The following CDK13 variants were observed in gnomAD, a reference collection of about 807,000 sequenced individuals.
CDK13 encodes the protein cyclin-dependent kinase 13.
CDK13 carries 40 observed loss-of-function variants against 137.6 expected under a neutral mutation model. The observed-to-expected ratio is 0.29, with a 90% CI of 0.23 to 0.38. The LOEUF (loss-of-function observed/expected upper bound fraction) is 0.38. Ranked by LOEUF, CDK13 falls within the 10% of genes least tolerant of loss-of-function variation. CDK13 has a pLI of 1.00. For synonymous variants in CDK13, 869 were observed against 760.1 expected, an observed-to-expected ratio of 1.14 and a Z score of -2.36; for missense variants, 1,704 against 1,951.8, an observed-to-expected ratio of 0.87 and a Z score of 2.39.
Position 40,048,617 on chromosome 7 carries a change from T to C in CDK13, c.2600+740T>C, listed in dbSNP as rs1256898337. On this transcript the variant is annotated intron_variant, in intron 7 of 13. Transcript: ENST00000181839. Reference sequence around the variant, plus strand: ...GTTAAAGAATTTTAAAATTATTTTATGACAATTTTGTCATTTCTTTAATAT... The same window carrying C: ...GTTAAAGAATTTTAAAATTATTTTACGACAATTTTGTCATTTCTTTAATAT... The C allele has an allele frequency of 4.1e-5, 6 of 147,170 alleles. 1 individual carries two copies. Among genetic ancestry groups the C allele is most frequent in the African/African-American group, 8.2e-5 (3 of 36,680 alleles). The allele number at this position is 147,170 out of a possible 1,614,324, so 9.1% of individuals were successfully genotyped here. A position where few individuals can be genotyped will look rare whatever the true frequency, so the allele number is the denominator to read the frequency against.
intron 1 of CDK13, among the ~76,000 whole-genome samples, chr7:39,983,615 T>C (rs779185502): frequency 7.2e-5 from 11 of 152,172 alleles, no homozygotes; most frequent in Non-Finnish European, 1.3e-4. Flanking sequence ...CTGAATGAAA[T>C]TGATGACCAG....
At chr7:39,988,947 A>G (rs1463089462) in intron 2 of CDK13, among the ~76,000 whole-genome samples, 3 of 151,744 alleles carry the variant, frequency 2.0e-5, no homozygotes, top group African/African-American at 7.3e-5. Context: ...AGCTGGGCGC[A>G]GTGGCAGGTG....
In CDK13 at chr7:40,095,281, T is replaced by C. The variant is rs1216873463; in HGVS notation, c.*301T>C. ...GGGGCATAAGCCTTTTATGGCCCTC[T>C]TGCAGATCTTCTGAACTATGCACAT... On this transcript the variant is annotated 3_prime_UTR_variant, in exon 14 of 14. Coordinates refer to ENST00000181839, the MANE Select transcript of CDK13 (RefSeq NM_003718.5). 1 of 193,444 alleles carries C rather than the reference T, an allele frequency of 5.2e-6. No homozygotes were observed. The highest frequency in any genetic ancestry group is 2.3e-5 in the African/African-American group (1 of 43,140). 12.0% of individuals were successfully genotyped at this position (193,444 alleles called of 1,614,324 possible).
chr7:40,050,148 C>T (rs1394062496), intron 7 of CDK13, among the ~76,000 whole-genome samples: 1 of 151,946 alleles, frequency 6.6e-6, no homozygotes, highest in African/African-American at 2.4e-5. Context: ...CCGTCCATCT[C>T]TTAGTGGACG....
At chr7:40,064,941 A>G (rs1316269493) in intron 9 of CDK13, among the ~76,000 whole-genome samples, 1 of 136,100 alleles carries the variant, frequency 7.3e-6, no homozygotes, top group Non-Finnish European at 1.6e-5. Context: ...ACAGGCATGC[A>G]CCACCATGCT....
chr7:40,047,162 T>A (rs2150516512), intron 6 of CDK13, among the ~76,000 whole-genome samples: 1 of 152,292 alleles, frequency 6.6e-6, no homozygotes, highest in African/African-American at 2.4e-5. Context: ...AAGAATAGAT[T>A]TTAGAAAATT....
chr7:39,976,072 C>T (rs1193271644), intron 1 of CDK13, among the ~76,000 whole-genome samples: 2 of 151,894 alleles, frequency 1.3e-5, no homozygotes. Context: ...CCGAGATGGG[C>T]GGATCACCTG....
chr7:39,958,368 C>T (rs1359304701), intron 1 of CDK13, among the ~76,000 whole-genome samples: 5 of 151,854 alleles, frequency 3.3e-5, no homozygotes, highest in African/African-American at 1.2e-4. Flanking sequence ...TATTATTTTT[C>T]ACCTGTTTGC....
chr7:40,038,099 C>G (rs1014459006), intron 5 of CDK13, among the ~76,000 whole-genome samples: 1 of 152,098 alleles, frequency 6.6e-6, no homozygotes, highest in Non-Finnish European at 1.5e-5. Context: ...AGTGTCACTT[C>G]CATTCTTCTT....
intron 5 of CDK13, among the ~76,000 whole-genome samples, chr7:40,027,739 G>A (rs1395515422): frequency 7.0e-6 from 1 of 143,138 alleles, no homozygotes; most frequent in Non-Finnish European, 1.5e-5. Context: ...CTGTTTCTAC[G>A]GGTACATGAC....
intron 5 of CDK13, among the ~76,000 whole-genome samples, chr7:40,045,206 ATC>A (rs1480875041): frequency 6.6e-6 from 1 of 152,092 alleles, no homozygotes; most frequent in Non-Finnish European, 1.5e-5. Context: ...GGATTTCTAA[ATC>A]TCTCGTAAGT....
intron 1 of CDK13, among the ~76,000 whole-genome samples, chr7:39,965,436 C>T (rs182302194): frequency 1.5e-4 from 23 of 152,210 alleles, no homozygotes; most frequent in African/African-American, 3.1e-4. Flanking sequence ...ACTAGGATTG[C>T]GACCACTGCC....
chr7:40,083,312 A>G (rs1451382579), intron 11 of CDK13, among the ~76,000 whole-genome samples: 1 of 151,844 alleles, frequency 6.6e-6, no homozygotes, highest in Non-Finnish European at 1.5e-5. Context: ...CTTTACAAAA[A>G]AAAAAAAAAA....
chr7:40,079,487 C>T (rs952068242), intron 11 of CDK13, among the ~76,000 whole-genome samples: 1 of 152,094 alleles, frequency 6.6e-6, no homozygotes, highest in Non-Finnish European at 1.5e-5. Flanking sequence ...AACACTACTA[C>T]TGGTACAGCT....
At chr7:40,010,408 G>A (rs1047783191) in intron 5 of CDK13, among the ~76,000 whole-genome samples, 5 of 152,222 alleles carry the variant, frequency 3.3e-5, no homozygotes, top group African/African-American at 1.2e-4. Flanking sequence ...GGAGGACCAG[G>A]CGTGGTGGCT....
At chr7:39,995,860 A>G (rs983348667) in intron 2 of CDK13, among the ~76,000 whole-genome samples, 1 of 152,076 alleles carries the variant, frequency 6.6e-6, no homozygotes, top group African/African-American at 2.4e-5. Context: ...ATACAAAAAA[A>G]TTAGCCGGGC....
rs374601154 is a variant in CDK13 at position 39,969,343 on chromosome 7, T to C, written c.1211+17491T>C. On this transcript the variant is annotated intron_variant, in intron 1 of 13. Transcript: ENST00000181839. The stretch of plus-strand genomic sequence containing the variant: ...GTTATTTTTATCTATGAAGTCTTCA[T>C]TAATCTCGTTCAGAAGTGATTTTTA... 3.9e-4 allele frequency among the ~76,000 whole-genome samples: 60 copies of C among 152,322 alleles called. 1 individual carries two copies. In the South Asian group the frequency reaches 0.012, roughly 31 times the overall value.
intron 9 of CDK13, chr7:40,069,676 A>G (rs1387416861): frequency 6.4e-6 from 1 of 155,848 alleles, no homozygotes; most frequent in Non-Finnish European, 1.4e-5. Flanking sequence ...ATTTGCTTTA[A>G]ATGGCTTTAC....
chr7:40,048,239 A>G (rs894239295), intron 7 of CDK13: 3 of 177,250 alleles, frequency 1.7e-5, no homozygotes, highest in Admixed American at 1.1e-4. Context: ...ATTATTTTAG[A>G]CAGATTTTAT....
Sources: gnomAD v4.1 joint callset for allele counts (sites outside exome capture counted in the v4.1 genomes callset) on GRCh38, gnomAD v4.1.1 for gene constraint, MANE v1.5 for transcripts, NCBI Gene and HGNC (gene_info 2026-07-23, HGNC 2026-07-21) for gene names.